Variants in AGTR1 observed in about 807,000 individuals in gnomAD.
AGTR1 encodes angiotensin II receptor type 1.
In AGTR1, 16 loss-of-function variants were observed where a neutral mutation model predicts 19.4. The observed-to-expected ratio is 0.82, with a 90% CI of 0.56 to 1.25. AGTR1 has a LOEUF of 1.25. AGTR1 is among the 50% of genes most tolerant of loss of function. AGTR1 has a pLI of 0.00. For synonymous variants in AGTR1, 153 were observed against 154.9 expected (o/e 0.99, Z 0.09); for missense variants, 373 against 431.9 (o/e 0.86, Z 1.21).
chr3:148,718,225 C>G (rs1032325741), intron 2 of AGTR1, among the ~76,000 whole-genome samples: 1 of 152,208 alleles, frequency 6.6e-6, no homozygotes, highest in African/African-American at 2.4e-5. Context: ...TAATTAGAAT[C>G]TATGAAAATC....
At chr3:148,731,269 T>G (rs1026785602) in intron 2 of AGTR1, 2 of 152,168 alleles carry the variant, frequency 1.3e-5, no homozygotes, top group Non-Finnish European at 2.9e-5. Context: ...CTGTAAATAC[T>G]CTGAGGACCA....
chr3:148,721,186 C>T (rs561589564), intron 2 of AGTR1, among the ~76,000 whole-genome samples: 1 of 152,100 alleles, frequency 6.6e-6, no homozygotes, highest in Non-Finnish European at 1.5e-5. Flanking sequence ...TTATCTTGCT[C>T]GGGAGAGAAA....
chr3:148,738,233 T>C (rs1012256088), intron 2 of AGTR1, among the ~76,000 whole-genome samples: 1 of 152,130 alleles, frequency 6.6e-6, no homozygotes, highest in African/African-American at 2.4e-5. Flanking sequence ...GCGTAAAGTG[T>C]ACTCCCTTCT....
chr3:148,699,871 C>T (rs1376818554), intron 1 of AGTR1, among the ~76,000 whole-genome samples: 1 of 152,118 alleles, frequency 6.6e-6, no homozygotes, highest in Admixed American at 6.5e-5. Context: ...TCTGGTTCTG[C>T]TCTTCTTTGA....
intron 2 of AGTR1, among the ~76,000 whole-genome samples, chr3:148,712,341 G>T (rs7647324): frequency 1.3e-5 from 2 of 151,948 alleles, no homozygotes; most frequent in East Asian, 1.9e-4. Context: ...CTAAACAAAT[G>T]TTCATCTCAC....
At chr3:148,730,787 T>G (rs958273682) in intron 2 of AGTR1, among the ~76,000 whole-genome samples, 1 of 152,140 alleles carries the variant, frequency 6.6e-6, no homozygotes, top group African/African-American at 2.4e-5. Context: ...GATTTACATC[T>G]CTAACAAATT....
intron 1 of AGTR1, among the ~76,000 whole-genome samples, chr3:148,701,664 T>G (rs1478745505): frequency 6.6e-6 from 1 of 152,216 alleles, no homozygotes; most frequent in Non-Finnish European, 1.5e-5. Flanking sequence ...GTTGTTAATC[T>G]CACATGTAAT....
intron 2 of AGTR1, among the ~76,000 whole-genome samples, chr3:148,709,610 T>C (rs1712868884): frequency 6.6e-6 from 1 of 152,202 alleles, no homozygotes; most frequent in South Asian, 2.1e-4. Context: ...AGTTCTAATA[T>C]TAATTAGCAA....
chr3:148,714,051 G>C (rs578096911), intron 2 of AGTR1, among the ~76,000 whole-genome samples: 1 of 152,192 alleles, frequency 6.6e-6, no homozygotes, highest in South Asian at 2.1e-4. Flanking sequence ...CATGATGATA[G>C]GAATACTACT....
chr3:148,727,745 G>A (rs1454904843), intron 2 of AGTR1, among the ~76,000 whole-genome samples: 1 of 152,048 alleles, frequency 6.6e-6, no homozygotes, highest in African/African-American at 2.4e-5. Flanking sequence ...CTTTTGTGAG[G>A]GATCTGTAGT....
chr3:148,719,887 A>G (rs1259386681), intron 2 of AGTR1, among the ~76,000 whole-genome samples: 1 of 151,972 alleles, frequency 6.6e-6, no homozygotes, highest in Non-Finnish European at 1.5e-5. Context: ...TTTTGTTTTT[A>G]CTCATTTCTT....
chr3:148,708,926 A>T (rs1483011949), intron 2 of AGTR1, among the ~76,000 whole-genome samples: 1 of 152,198 alleles, frequency 6.6e-6, no homozygotes, highest in African/African-American at 2.4e-5. Flanking sequence ...CTGGGTGGGT[A>T]GATAAATATT....
At chr3:148,735,677 C>T (rs1335621710) in intron 2 of AGTR1, among the ~76,000 whole-genome samples, 1 of 152,068 alleles carries the variant, frequency 6.6e-6, no homozygotes, top group Non-Finnish European at 1.5e-5. Flanking sequence ...GAGTAAAAAG[C>T]CTAGAAATAT....
chr3:148,741,060 G>A lies in AGTR1; in HGVS notation c.25G>A (p.Asp9Asn). The A allele has an allele frequency of 6.2e-7, 1 of 1,613,902 alleles. No homozygotes were observed. Among genetic ancestry groups the A allele is most frequent in the Non-Finnish European group, 8.5e-7 (1 of 1,179,850 alleles). ...AATGATTCTCAACTCTTCTACTGAA[G>A]ATGGTATTAAAAGAATCCAAGATGA... Reference protein sequence around the residue: MILNSSTEDGIKRIQDDCP... With the variant: MILNSSTENGIKRIQDDCP... The change falls in exon 3 of 3, where the codon GAT (aspartate) becomes AAT (asparagine). Residue 9 changes from aspartate to asparagine, a missense_variant. Transcript: ENST00000349243.
chr3:148,725,656 T>C lies in AGTR1; in HGVS notation c.-47-15333T>C, dbSNP rs182360493. ...CGCCACCATGCCCAGCTAATTTTTGTATTTTTATTAGAGACGGGGTTTCAC... is the reference window on the plus strand; with the variant it reads ...CGCCACCATGCCCAGCTAATTTTTGCATTTTTATTAGAGACGGGGTTTCAC... On this transcript the variant is annotated intron_variant, in intron 2 of 2. Transcript: ENST00000349243. Among the ~76,000 whole-genome samples the C allele has an allele frequency of 2.1e-3, 326 of 152,234 alleles. 2 individuals carry two copies. The highest frequency in any genetic ancestry group is 2.9e-3 in the Non-Finnish European group (196 of 68,012).
In AGTR1 at chr3:148,741,725, G is replaced by A. The variant is rs201574669; in HGVS notation, c.690G>A (p.Lys230=). 84 of 1,613,930 alleles carry A rather than the reference G, an allele frequency of 5.2e-5. No individual in the cohort carries two copies. The Admixed American group carries it at 1.4e-3, about 27-fold the overall frequency. Residue 230 remains lysine (K), a synonymous_variant, in exon 3 of 3, where the codon AAG becomes AAA. Transcript: ENST00000349243. Reference sequence around the variant, plus strand: ...TAAAGAAGGCTTATGAAATTCAGAAGAACAAACCAAGAAATGATGATATTT... The same window carrying A: ...TAAAGAAGGCTTATGAAATTCAGAAAAACAAACCAAGAAATGATGATATTT... ...KALKKAYEIQ[K]NKPRNDDIFK...
intron 2 of AGTR1, among the ~76,000 whole-genome samples, chr3:148,708,417 G>A (rs1712795653): frequency 6.6e-6 from 1 of 152,042 alleles, no homozygotes. Flanking sequence ...GGCGATTTGG[G>A]TTCTTTGATA....
Position 148,741,031 on chromosome 3 carries a change from T to C in AGTR1, c.-5T>C. On this transcript the variant is annotated 5_prime_UTR_variant, in exon 3 of 3. Coordinates refer to ENST00000349243, the MANE Select transcript of AGTR1 (RefSeq NM_000685.5). Reference sequence around the variant, plus strand: ...TTTGCAACAAATTCGACCCAGGTGATCAAAATGATTCTCAACTCTTCTACT... The same window carrying C: ...TTTGCAACAAATTCGACCCAGGTGACCAAAATGATTCTCAACTCTTCTACT... 6.2e-7 allele frequency: 1 copy of C among 1,613,848 alleles called. No individual in the cohort carries two copies. Among genetic ancestry groups the C allele is most frequent in the South Asian group, 1.1e-5 (1 of 91,082 alleles).
At chr3:148,714,973 G>A (rs1486795310) in intron 2 of AGTR1, among the ~76,000 whole-genome samples, 1 of 152,090 alleles carries the variant, frequency 6.6e-6, no homozygotes, top group Non-Finnish European at 1.5e-5. Context: ...ATTCAAACAA[G>A]TCCTAGGGAT....
Sources: allele counts gnomAD v4.1 joint callset (sites outside exome capture counted in the v4.1 genomes callset), GRCh38; gene constraint gnomAD v4.1.1; transcripts MANE v1.5; gene names NCBI Gene and HGNC (gene_info 2026-07-23, HGNC 2026-07-21).